The following KLHL13 variants were observed in gnomAD, a reference collection of about 807,000 sequenced individuals.
KLHL13 encodes kelch like family member 13.
A neutral mutation model predicts 37.1 loss-of-function variants in KLHL13; 10 were observed. The ratio of observed to expected loss-of-function variants is 0.27; its 90% CI spans 0.17 to 0.46. KLHL13 has a LOEUF of 0.46. Among genes scored for constraint, KLHL13 ranks in the 20% least tolerant of loss-of-function variants. The pLI is 1.00. For synonymous variants in KLHL13, 163 were observed against 181.2 expected, an observed-to-expected ratio of 0.90 and a Z score of 0.81; for missense variants, 360 against 509.3, an observed-to-expected ratio of 0.71 and a Z score of 2.82.
At chrX:118,081,492 T>G (rs2054994166) in intron 1 of KLHL13, among the ~76,000 whole-genome samples, 1 of 111,514 alleles carries the variant, frequency 9.0e-6, no homozygotes, top group Non-Finnish European at 1.9e-5. Context: ...GACATATTTT[T>G]GGGGTGCACA....
At chrX:117,971,777 C>T (rs1293507280) in intron 1 of KLHL13, among the ~76,000 whole-genome samples, 1 of 111,603 alleles carries the variant, frequency 9.0e-6, no homozygotes, top group Non-Finnish European at 1.9e-5. Context: ...TGGCAACTCA[C>T]CACAGCTCTA....
intron 1 of KLHL13, among the ~76,000 whole-genome samples, chrX:117,954,460 G>C (rs1933801075): frequency 8.9e-6 from 1 of 111,820 alleles, no homozygotes; most frequent in African/African-American, 3.2e-5. Context: ...ATGAATGGTA[G>C]GTAGATAAGG....
intron 2 of KLHL13, among the ~76,000 whole-genome samples, chrX:117,922,565 G>A (rs1294626895): frequency 2.7e-5 from 3 of 111,796 alleles, no homozygotes; most frequent in Non-Finnish European, 5.6e-5. Flanking sequence ...TGGAAACCAG[G>A]AACTTATTTG....
At chrX:118,092,987 A>T (rs1315534707) in intron 1 of KLHL13, among the ~76,000 whole-genome samples, 1 of 111,653 alleles carries the variant, frequency 9.0e-6, no homozygotes, top group Non-Finnish European at 1.9e-5. Context: ...TAGTGAAAAA[A>T]TTTTAAAACA....
intron 1 of KLHL13, among the ~76,000 whole-genome samples, chrX:118,080,774 G>C (rs1040269451): frequency 8.9e-6 from 1 of 111,800 alleles, no homozygotes; most frequent in African/African-American, 3.3e-5. Context: ...ATACCCAAAG[G>C]AAATTAGATC....
intron 1 of KLHL13, among the ~76,000 whole-genome samples, chrX:118,110,371 C>CTTT (rs1479012364): frequency 1.0e-4 from 10 of 98,308 alleles, no homozygotes; most frequent in African/African-American, 3.9e-4. Flanking sequence ...TTTTCTATTT[C>CTTT]TTTTTCTTTT....
intron 1 of KLHL13, among the ~76,000 whole-genome samples, chrX:118,057,753 G>A (rs1292740765): frequency 9.1e-6 from 1 of 110,465 alleles, no homozygotes; most frequent in Non-Finnish European, 1.9e-5. Context: ...GTGAACCTGG[G>A]AGGCAGAGCT....
intron 2 of KLHL13, among the ~76,000 whole-genome samples, chrX:117,935,794 G>T (rs754597226): frequency 9.0e-6 from 1 of 110,898 alleles, no homozygotes; most frequent in East Asian, 2.8e-4. Context: ...CGAGATTTAG[G>T]TAGGGACACA....
At chrX:118,046,228 T>A (rs2054558162) in intron 1 of KLHL13, among the ~76,000 whole-genome samples, 1 of 112,511 alleles carries the variant, frequency 8.9e-6, no homozygotes, top group African/African-American at 3.2e-5. Flanking sequence ...TGTGATCTTG[T>A]CAATTGCAAC....
At chrX:118,006,847 A>G (rs2053989341) in intron 1 of KLHL13, among the ~76,000 whole-genome samples, 1 of 111,965 alleles carries the variant, frequency 8.9e-6, no homozygotes, top group Non-Finnish European at 1.9e-5. Flanking sequence ...AGAAAGGTCA[A>G]TCAGGTAAAT....
rs877902 is a variant in KLHL13 at position 117,922,856 on chromosome X, A to T, written c.241-2486T>A. 2.8e-3 allele frequency among the ~76,000 whole-genome samples: 316 copies of T among 112,405 alleles called. 1 individual carries two copies. Among genetic ancestry groups the T allele is most frequent in the African/African-American group, 9.5e-3 (296 of 31,008 alleles). The stretch of plus-strand genomic sequence containing the variant: ...CCTCTTTCACTTACTAGAAGTAACC[A>T]CTGTTAACAGTTTAGTAAGCATACT... On this transcript the variant is annotated intron_variant, in intron 2 of 6. Transcript: ENST00000262820.
rs1166028829 is a variant in KLHL13 at position 117,930,290 on chromosome X, A to AAGGCAGGCAGGCAGGCAGGCAGGC, written c.241-9944_241-9921dup. ...GAAGGAAGGAAGGAAGGAAGGAAGG[A>AAGGCAGGCAGGCAGGCAGGCAGGC]AGGCAGGCAGGCAGGCAGGCAGGCA... On this transcript the variant is annotated intron_variant, in intron 2 of 6. Coordinates refer to ENST00000262820, the Ensembl canonical transcript of KLHL13. Among the ~76,000 whole-genome samples, 46 of 77,972 alleles carry AAGGCAGGCAGGCAGGCAGGCAGGC rather than the reference A, an allele frequency of 5.9e-4. 1 individual carries two copies. The highest frequency in any genetic ancestry group is 2.7e-3 in the African/African-American group (42 of 15,385). The allele number at this position is 77,972 out of a possible 115,157, so 67.7% of individuals were successfully genotyped here. A position where few individuals can be genotyped will look rare whatever the true frequency, so the allele number is the denominator to read the frequency against.
exon 1 of KLHL13, chrX:117,972,937 C>G: frequency 9.0e-7 from 1 of 1,107,014 alleles, no homozygotes; most frequent in South Asian, 2.4e-5. Flanking sequence ...CCGCGGAGAA[C>G]AAGCAAAGGA....
chrX:118,019,420 A>T (rs1353069783), intron 1 of KLHL13, among the ~76,000 whole-genome samples: 5 of 109,047 alleles, frequency 4.6e-5, no homozygotes, highest in African/African-American at 1.7e-4. Flanking sequence ...AGGTTGAAAA[A>T]ATTTTCTCCC....
intron 1 of KLHL13, among the ~76,000 whole-genome samples, chrX:117,995,207 T>C (rs1024730012): frequency 3.6e-5 from 4 of 112,113 alleles, no homozygotes; most frequent in Non-Finnish European, 5.6e-5. Flanking sequence ...AAAACTTACA[T>C]TTATCTTTAA....
intron 1 of KLHL13, among the ~76,000 whole-genome samples, chrX:118,075,984 C>T (rs142264580): frequency 1.3e-3 from 144 of 111,003 alleles, no homozygotes; most frequent in African/African-American, 4.6e-3. Context: ...TAAGTAAAAG[C>T]AAGTTTATTA....
chrX:117,898,181 A>G (rs1324189325), exon 7 of KLHL13: 1 of 111,439 alleles, frequency 9.0e-6, no homozygotes, highest in Non-Finnish European at 1.9e-5. Flanking sequence ...GTGCCACTCA[A>G]TTTTTAAAAA....
At chrX:118,042,160 T>C (rs750787834) in intron 1 of KLHL13, among the ~76,000 whole-genome samples, 1 of 111,641 alleles carries the variant, frequency 9.0e-6, no homozygotes, top group Non-Finnish European at 1.9e-5. Flanking sequence ...GGATATAAAA[T>C]TGTAAACATA....
At chrX:118,099,356 G>C (rs1403968444) in intron 1 of KLHL13, among the ~76,000 whole-genome samples, 1 of 111,560 alleles carries the variant, frequency 9.0e-6, no homozygotes, top group Non-Finnish European at 1.9e-5. Flanking sequence ...CCAACTCCTA[G>C]TAGAAAGACA....
Sources: gnomAD v4.1 joint callset for allele counts (sites outside exome capture counted in the v4.1 genomes callset) on GRCh38, gnomAD v4.1.1 for gene constraint, MANE v1.5 for transcripts, NCBI Gene and HGNC (gene_info 2026-07-23, HGNC 2026-07-21) for gene names.